ADGRB3: variants seen among roughly 807,000 people sequenced by gnomAD.
ADGRB3 encodes the protein adhesion G protein-coupled receptor B3, also known as brain-specific angiogenesis inhibitor 3.
Under a neutral mutation model 193.4 loss-of-function variants are expected in ADGRB3, and 37 were observed. The observed-to-expected ratio is 0.19, with a 90% CI of 0.15 to 0.25. The LOEUF is 0.25. ADGRB3 is among the 10% of genes least tolerant of loss of function. ADGRB3 has a pLI of 1.00. For synonymous variants in ADGRB3, 690 were observed against 644.2 expected (o/e 1.07, Z -1.08); for missense variants, 1,637 against 1,852.9 (o/e 0.88, Z 2.14).
intron 3 of ADGRB3, among the ~76,000 whole-genome samples, chr6:68,772,207 G>A (rs1766632003): frequency 6.6e-6 from 1 of 152,068 alleles, no homozygotes; most frequent in Admixed American, 6.6e-5. Flanking sequence ...AAAAGGCCTA[G>A]CAATTGATTG....
At chr6:69,269,684 T>C (rs1310251863) in intron 20 of ADGRB3, among the ~76,000 whole-genome samples, 1 of 152,208 alleles carries the variant, frequency 6.6e-6, no homozygotes, top group African/African-American at 2.4e-5. Context: ...TATAATATCA[T>C]ATGATTTCAT....
intron 26 of ADGRB3, among the ~76,000 whole-genome samples, chr6:69,350,610 T>C (rs1369400248): frequency 1.3e-5 from 2 of 152,142 alleles, no homozygotes; most frequent in East Asian, 1.9e-4. Context: ...GATTTTAATA[T>C]CTAATAAATC....
chr6:68,979,038 T>A (rs1768831336), intron 10 of ADGRB3, among the ~76,000 whole-genome samples: 1 of 151,278 alleles, frequency 6.6e-6, no homozygotes, highest in Admixed American at 6.6e-5. Flanking sequence ...TATAAACCAG[T>A]TGAGGTAAAC....
At chr6:68,696,399 A>G (rs1765158515) in intron 3 of ADGRB3, among the ~76,000 whole-genome samples, 1 of 151,524 alleles carries the variant, frequency 6.6e-6, no homozygotes, top group South Asian at 2.1e-4. Flanking sequence ...ATTTTTGAAA[A>G]TTGACATTTG....
intron 3 of ADGRB3, among the ~76,000 whole-genome samples, chr6:68,713,291 C>T (rs1213970817): frequency 6.6e-6 from 1 of 151,832 alleles, no homozygotes; most frequent in Non-Finnish European, 1.5e-5. Flanking sequence ...ATAATCAAAG[C>T]ATCTGCCATT....
intron 6 of ADGRB3, among the ~76,000 whole-genome samples, chr6:68,952,316 T>C (rs1239744785): frequency 6.6e-6 from 1 of 152,140 alleles, no homozygotes; most frequent in Non-Finnish European, 1.5e-5. Flanking sequence ...CTAAAAATTA[T>C]ATATATACAT....
intron 17 of ADGRB3, among the ~76,000 whole-genome samples, chr6:69,115,803 T>A (rs1773515417): frequency 6.6e-6 from 1 of 152,196 alleles, no homozygotes. Flanking sequence ...CCCAAGATGG[T>A]TCCCAGCCAA....
intron 11 of ADGRB3, among the ~76,000 whole-genome samples, chr6:69,010,718 T>C (rs1439587943): frequency 6.6e-6 from 1 of 150,584 alleles, no homozygotes; most frequent in Non-Finnish European, 1.5e-5. Flanking sequence ...GTTCAGATTC[T>C]GCCAAGGACA....
intron 20 of ADGRB3, among the ~76,000 whole-genome samples, chr6:69,300,026 A>G (rs1362401759): frequency 6.6e-6 from 1 of 151,864 alleles, no homozygotes; most frequent in Admixed American, 6.6e-5. Flanking sequence ...CAAAAAAAGG[A>G]AACTACAGAC....
chr6:69,122,962 A>G (rs1394636117), intron 17 of ADGRB3, among the ~76,000 whole-genome samples: 3 of 150,328 alleles, frequency 2.0e-5, no homozygotes, highest in South Asian at 2.1e-4. Flanking sequence ...ATATGTATGT[A>G]TATATATGTG....
chr6:69,284,922 G>A (rs544069288), intron 20 of ADGRB3, among the ~76,000 whole-genome samples: 3 of 152,156 alleles, frequency 2.0e-5, no homozygotes, highest in African/African-American at 7.2e-5. Flanking sequence ...ATAAAGTTTG[G>A]ATTTAACACA....
At chr6:69,375,227 G>T (rs1464242633) in intron 30 of ADGRB3, among the ~76,000 whole-genome samples, 1 of 152,082 alleles carries the variant, frequency 6.6e-6, no homozygotes, top group Non-Finnish European at 1.5e-5. Context: ...TTTCAGCACA[G>T]AATGATTTTT....
At chr6:68,766,277 T>A (rs76351088) in intron 3 of ADGRB3, among the ~76,000 whole-genome samples, 43 of 152,130 alleles carry the variant, frequency 2.8e-4, no homozygotes, top group African/African-American at 1.0e-3. Flanking sequence ...TTTTCAATGT[T>A]GCATGTTTTC....
Position 68,867,309 on chromosome 6 carries a change from G to A in ADGRB3, c.758-63250G>A, listed in dbSNP as rs141111677. 2.9e-3 allele frequency among the ~76,000 whole-genome samples: 440 copies of A among 152,304 alleles called. 3 individuals carry two copies. The highest frequency in any genetic ancestry group is 9.1e-3 in the African/African-American group (377 of 41,572). On this transcript the variant is annotated intron_variant, in intron 3 of 31. Coordinates refer to ENST00000370598, the MANE Select transcript of ADGRB3 (RefSeq NM_001704.3). The stretch of plus-strand genomic sequence containing the variant: ...GGTACAGCTCAGGCTGTGGCTTCAG[G>A]GGGTTCCAGCCCCATGCCTTGGTGG...
At chr6:68,825,104 G>A (rs990121342) in intron 3 of ADGRB3, among the ~76,000 whole-genome samples, 2 of 152,002 alleles carry the variant, frequency 1.3e-5, no homozygotes, top group Non-Finnish European at 2.9e-5. Context: ...TGATCAACCC[G>A]CCTCTGCCTC....
chr6:69,331,411 A>G (rs1768725699), intron 23 of ADGRB3: 1 of 308,930 alleles, frequency 3.2e-6, no homozygotes, highest in African/African-American at 2.3e-5. Context: ...AAATATTCAT[A>G]TTGCTATACA....
chr6:69,013,850 A>C (rs1770012837), intron 11 of ADGRB3, among the ~76,000 whole-genome samples, 188 bp from the exon 12 acceptor site: 1 of 152,092 alleles, frequency 6.6e-6, no homozygotes, highest in Admixed American at 6.6e-5. Context: ...AAATGAAGGT[A>C]TATGAAAATC....
intron 5 of ADGRB3, among the ~76,000 whole-genome samples, chr6:68,938,453 T>G (rs1180736713): frequency 7.2e-5 from 8 of 110,540 alleles, no homozygotes; most frequent in African/African-American, 2.7e-4. Context: ...TATATATATA[T>G]ATATATATAT....
intron 5 of ADGRB3, among the ~76,000 whole-genome samples, chr6:68,942,413 T>C (rs1388370595): frequency 6.6e-6 from 1 of 152,188 alleles, no homozygotes; most frequent in Non-Finnish European, 1.5e-5. Context: ...ATATCAAACA[T>C]CTGGCCTTTT....
Sources: gnomAD v4.1 joint callset for allele counts (sites outside exome capture counted in the v4.1 genomes callset) on GRCh38, gnomAD v4.1.1 for gene constraint, MANE v1.5 for transcripts, NCBI Gene and HGNC (gene_info 2026-07-23, HGNC 2026-07-21) for gene names.